Variants in RANBP9 observed in about 807,000 individuals in gnomAD.
RANBP9 encodes the protein RAN binding protein 9.
Under a neutral mutation model 84.3 loss-of-function variants are expected in RANBP9, and 15 were observed. The ratio of observed to expected loss-of-function variants is 0.18; its 90% confidence interval spans 0.12 to 0.27. RANBP9 has a LOEUF of 0.27. Ranked by LOEUF, RANBP9 falls within the 10% of genes least tolerant of loss-of-function variation. The pLI, the probability that RANBP9 is intolerant of heterozygous loss-of-function variation, is 1.00. For synonymous variants in RANBP9, 392 were observed against 349.6 expected, an observed-to-expected ratio of 1.12 and a Z score of -1.35; for missense variants, 809 against 912.8, an observed-to-expected ratio of 0.89 and a Z score of 1.46.
chr6:13,684,652 T>G (rs576880274), intron 2 of RANBP9, among the ~76,000 whole-genome samples: 184 of 152,350 alleles, frequency 1.2e-3, no homozygotes, highest in African/African-American at 4.2e-3. Flanking sequence ...GAACATTTAC[T>G]AAATATCTAT....
At chr6:13,672,411 A>C (rs1389503159) in intron 2 of RANBP9, among the ~76,000 whole-genome samples, 2 of 152,180 alleles carry the variant, frequency 1.3e-5, no homozygotes, top group African/African-American at 4.8e-5. Context: ...AAATTACAAG[A>C]AATAGACTTT....
rs1048806544 is a variant in RANBP9 at position 13,622,171 on chromosome 6, G to A, written c.*191C>T. On this transcript the variant is annotated 3_prime_UTR_variant, in exon 14 of 14. Coordinates refer to ENST00000011619, the MANE Select transcript of RANBP9 (RefSeq NM_005493.3). ...TTAGACAACTAAGAGGTTAAAGATG[G>A]AAAATAATTTCTCCTAACACTAAGT... 145 of 470,084 alleles carry A rather than the reference G, an allele frequency of 3.1e-4. No individual in the cohort carries two copies. Among genetic ancestry groups the A allele is most frequent in the Non-Finnish European group, 4.3e-4 (129 of 299,994 alleles). The allele number at this position is 470,084 out of a possible 1,614,324, so 29.1% of individuals were successfully genotyped here. A position where few individuals can be genotyped will look rare whatever the true frequency, so the allele number is the denominator to read the frequency against.
At chr6:13,638,429 G>T (rs1764989129) in intron 9 of RANBP9, among the ~76,000 whole-genome samples, 1 of 152,146 alleles carries the variant, frequency 6.6e-6, no homozygotes, top group Admixed American at 6.5e-5. Flanking sequence ...TTCATGAAAG[G>T]AAAGGAGACA....
At chr6:13,684,986 C>A (rs1766136615) in intron 2 of RANBP9, among the ~76,000 whole-genome samples, 1 of 152,200 alleles carries the variant, frequency 6.6e-6, no homozygotes, top group African/African-American at 2.4e-5. Context: ...TTCGCCTCCT[C>A]AGCCTTCTCC....
rs569315926 is a variant in RANBP9 at position 13,643,070 on chromosome 6, G to C, written c.1113-479C>G. On this transcript the variant is annotated intron_variant, in intron 6 of 13. Coordinates refer to ENST00000011619, the MANE Select transcript of RANBP9 (RefSeq NM_005493.3). ...CTTCTTTACACACCGGTTAAATGAAGTGGGATCACAAAGTATGTACAGAAT... is the reference window on the plus strand; with the variant it reads ...CTTCTTTACACACCGGTTAAATGAACTGGGATCACAAAGTATGTACAGAAT... Among the ~76,000 whole-genome samples, 4 of 152,262 alleles carry C rather than the reference G, an allele frequency of 2.6e-5. No individual in the cohort carries two copies. The South Asian group carries it at 8.3e-4, about 32-fold the overall frequency.
At chr6:13,685,701 G>A (rs539609449) in intron 2 of RANBP9, among the ~76,000 whole-genome samples, 1 of 152,268 alleles carries the variant, frequency 6.6e-6, no homozygotes, top group African/African-American at 2.4e-5. Flanking sequence ...AGGCCTAGGT[G>A]GGAGGATCAC....
intron 2 of RANBP9, among the ~76,000 whole-genome samples, chr6:13,665,517 G>T (rs1173938355): frequency 6.6e-6 from 1 of 152,052 alleles, no homozygotes; most frequent in African/African-American, 2.4e-5. Flanking sequence ...GGCACAACAG[G>T]AACTTTCATA....
intron 4 of RANBP9, among the ~76,000 whole-genome samples, chr6:13,654,343 G>A (rs1320363177): frequency 1.3e-5 from 2 of 152,108 alleles, no homozygotes; most frequent in Non-Finnish European, 2.9e-5. Flanking sequence ...ATTGGTGAAC[G>A]ATATTCAATA....
In RANBP9 at chr6:13,697,528, G is replaced by GT. The variant is rs1210056312; in HGVS notation, c.572-633dup. Among the ~76,000 whole-genome samples the GT allele has an allele frequency of 1.4e-4, 22 of 152,258 alleles. No individual in the cohort carries two copies. In the South Asian group the frequency reaches 2.9e-3, roughly 20 times the overall value. ...ATTTTTTTCTTTTTAAACAACAGAA[G>GT]TAACACCATGCCACTGCTGACACTT... On this transcript the variant is annotated intron_variant, in intron 1 of 13. Transcript: ENST00000011619.
rs1419410771 is a variant in RANBP9, at chr6:13,710,978, G to A, written c.528C>T (p.Ser176=). The A allele has an allele frequency of 4.3e-6, 7 of 1,610,350 alleles. No individual in the cohort carries two copies. Among genetic ancestry groups the A allele is most frequent in the Non-Finnish European group, 5.9e-6 (7 of 1,178,534 alleles). Residue 176 remains serine (S), a synonymous_variant, in exon 1 of 14, where the codon AGC becomes AGT. Transcript: ENST00000011619. ...PRSWSPKDKF[S]YIGLSQNNLR... is the part of the protein sequence containing the mutation. Reference sequence around the variant, plus strand: ...GGTTGTTCTGAGAGAGGCCGATGTAGCTGAACTTGTCCTTCGGGCTCCAGG... The same window carrying A: ...GGTTGTTCTGAGAGAGGCCGATGTAACTGAACTTGTCCTTCGGGCTCCAGG...
At chr6:13,658,673 A>C in intron 3 of RANBP9, 107 bp downstream of exon 3, 1 of 975,878 alleles carries the variant, frequency 1.0e-6, no homozygotes, top group African/African-American at 1.7e-5. Context: ...TGATGATTAA[A>C]AACACAGAAA....
chr6:13,694,404 G>T (rs1258980697), intron 2 of RANBP9, among the ~76,000 whole-genome samples: 1 of 152,142 alleles, frequency 6.6e-6, no homozygotes, highest in Non-Finnish European at 1.5e-5. Context: ...GACTTAAAAG[G>T]CTACAAACTA....
At chr6:13,688,140 T>C (rs1361625291) in intron 2 of RANBP9, among the ~76,000 whole-genome samples, 2 of 152,212 alleles carry the variant, frequency 1.3e-5, no homozygotes, top group Admixed American at 6.5e-5. Flanking sequence ...GGCACTATTA[T>C]TTCCTTTTCA....
chr6:13,675,038 G>A (rs1425904415), intron 2 of RANBP9, among the ~76,000 whole-genome samples: 1 of 152,150 alleles, frequency 6.6e-6, no homozygotes, highest in Non-Finnish European at 1.5e-5. Flanking sequence ...ATAGAGCTAC[G>A]AGAAGCAGCA....
At chr6:13,637,539 G>A (rs1291977107) in intron 10 of RANBP9, among the ~76,000 whole-genome samples, 1 of 152,164 alleles carries the variant, frequency 6.6e-6, no homozygotes, top group Non-Finnish European at 1.5e-5. Context: ...GGAAGACAAT[G>A]CATGAAGCCC....
At chr6:13,649,270 C>A (rs559231543) in intron 5 of RANBP9, among the ~76,000 whole-genome samples, 30 of 152,168 alleles carry the variant, frequency 2.0e-4, no homozygotes, top group Middle Eastern at 3.4e-3. Context: ...ATTGTTACAA[C>A]AAAGTTGCAC....
In RANBP9 at chr6:13,650,166, G is replaced by T. The variant is rs369059137; in HGVS notation, c.927+2493C>A. On this transcript the variant is annotated intron_variant, in intron 5 of 13. Transcript: ENST00000011619. ...TTTTTTGTTGTTGTTGTGTTTTTTT[G>T]TTTTTTTTTTTTTTAGTAGAGGTGA... Among the ~76,000 whole-genome samples the T allele has an allele frequency of 1.0e-3, 134 of 130,824 alleles. 1 individual carries two copies. The highest frequency in any genetic ancestry group is 5.9e-3 in the South Asian group (24 of 4,056). 85.8% of individuals were successfully genotyped at this position (130,824 alleles called of 152,430 possible).
intron 1 of RANBP9, among the ~76,000 whole-genome samples, chr6:13,704,173 A>G (rs1758041742): frequency 6.6e-6 from 1 of 152,202 alleles, no homozygotes; most frequent in Non-Finnish European, 1.5e-5. Context: ...TTCTAAATGA[A>G]TTTACTATTC....
intron 9 of RANBP9, 58 bp from the exon 10 acceptor site, chr6:13,638,013 G>C (rs950774847): frequency 1.4e-6 from 2 of 1,439,586 alleles, no homozygotes; most frequent in African/African-American, 2.9e-5. Flanking sequence ...TAATACGGTT[G>C]TAAACAAGTC....
Sources: gnomAD v4.1 joint callset for allele counts (sites outside exome capture counted in the v4.1 genomes callset) on GRCh38, gnomAD v4.1.1 for gene constraint, MANE v1.5 for transcripts, NCBI Gene and HGNC (gene_info 2026-07-23, HGNC 2026-07-21) for gene names.